The following DLGAP2 variants were observed in gnomAD, a reference collection of about 807,000 sequenced individuals.
DLGAP2 encodes the protein DLG associated protein 2, also known as disks large-associated protein 2.
Under a neutral mutation model 100.3 loss-of-function variants are expected in DLGAP2, and 26 were observed. The observed-to-expected ratio is 0.26, with a 90% CI of 0.19 to 0.36. The LOEUF (loss-of-function observed/expected upper bound fraction) is 0.36. DLGAP2 is among the 10% of genes least tolerant of loss of function. The pLI, the probability that DLGAP2 is intolerant of heterozygous loss-of-function variation, is 1.00. For missense variants in DLGAP2, 1,858 were observed against 1,453.2 expected, an observed-to-expected ratio of 1.28 and a Z score of -4.53; for synonymous variants, 886 against 630.1, an observed-to-expected ratio of 1.41 and a Z score of -6.08.
chr8:763,491 T>C (rs1465144476), intron 1 of DLGAP2, among the ~76,000 whole-genome samples: 1 of 152,252 alleles, frequency 6.6e-6, no homozygotes. Flanking sequence ...AATGGGATTT[T>C]GTTCCATAAT....
chr8:1,231,501 C>T (rs1334420472), intron 2 of DLGAP2, among the ~76,000 whole-genome samples: 1 of 152,088 alleles, frequency 6.6e-6, no homozygotes, highest in African/African-American at 2.4e-5. Flanking sequence ...CAAAAGAAAA[C>T]AAAATTGTGC....
At chr8:798,122 C>G (rs1333125531) in intron 1 of DLGAP2, among the ~76,000 whole-genome samples, 4 of 152,250 alleles carry the variant, frequency 2.6e-5, no homozygotes, top group South Asian at 4.1e-4. Flanking sequence ...AGTTTCTTGT[C>G]TGTCAGCTGA....
intron 2 of DLGAP2, among the ~76,000 whole-genome samples, chr8:1,175,150 G>A (rs1267748622): frequency 6.6e-6 from 1 of 151,964 alleles, no homozygotes; most frequent in East Asian, 1.9e-4. Flanking sequence ...TTTGTTAAAT[G>A]TTAAAATTTA....
intron 2 of DLGAP2, among the ~76,000 whole-genome samples, chr8:1,214,266 C>A (rs375634270): frequency 1.3e-5 from 2 of 152,212 alleles, no homozygotes; most frequent in Admixed American, 6.5e-5. Flanking sequence ...CCAGGTGGAA[C>A]TGGGAGTAGG....
At chr8:880,673 G>A (rs148736633) in intron 1 of DLGAP2, among the ~76,000 whole-genome samples, 2 of 148,196 alleles carry the variant, frequency 1.3e-5, no homozygotes, top group Non-Finnish European at 1.5e-5. Flanking sequence ...TAGGTGGGTC[G>A]GGGTGACCGT....
chr8:1,666,113 C>T (rs1798538061), intron 8 of DLGAP2, among the ~76,000 whole-genome samples: 1 of 152,234 alleles, frequency 6.6e-6, no homozygotes, highest in African/African-American at 2.4e-5. Context: ...CTCCCCGGCA[C>T]TACTGGCCTT....
chr8:907,879 A>G (rs1798412629), intron 1 of DLGAP2, 33 bp from the exon 2 acceptor site: 1 of 398,704 alleles, frequency 2.5e-6, no homozygotes, highest in East Asian at 3.6e-5. Flanking sequence ...GCGAATGATA[A>G]CAAATGTATT....
At chr8:1,178,577 C>T (rs951624794) in intron 2 of DLGAP2, among the ~76,000 whole-genome samples, 1 of 152,028 alleles carries the variant, frequency 6.6e-6, no homozygotes, top group Non-Finnish European at 1.5e-5. Context: ...CAAAGTTAGA[C>T]ATCTCTCTTT....
chr8:1,287,516 T>C (rs1799960499), intron 3 of DLGAP2, among the ~76,000 whole-genome samples: 1 of 75,776 alleles, frequency 1.3e-5, no homozygotes, highest in Non-Finnish European at 2.3e-5. Flanking sequence ...GGAGGGGAAC[T>C]AGTTTTGGTT....
intron 2 of DLGAP2, among the ~76,000 whole-genome samples, chr8:1,067,604 CGTGTGTGTGTGTGTGTGT>C (rs3220190): frequency 6.4e-5 from 9 of 140,304 alleles, no homozygotes; most frequent in African/African-American, 2.2e-4. Flanking sequence ...GGTTGAGTGA[CGTGTGTGTGTGTGTGTGT>C]GTGTGTGTGT....
At chr8:994,077 G>T (rs1390778120) in intron 2 of DLGAP2, among the ~76,000 whole-genome samples, 1 of 152,138 alleles carries the variant, frequency 6.6e-6, no homozygotes, top group Non-Finnish European at 1.5e-5. Context: ...GGTGGTTTTT[G>T]GATGAGACTG....
chr8:782,720 C>A (rs529988054), intron 1 of DLGAP2, among the ~76,000 whole-genome samples: 1 of 152,288 alleles, frequency 6.6e-6, no homozygotes, highest in African/African-American at 2.4e-5. Flanking sequence ...ATCCCTTTTG[C>A]ACTCTTTCTT....
At chr8:1,157,759 C>A (rs1362462510) in intron 2 of DLGAP2, among the ~76,000 whole-genome samples, 2 of 152,186 alleles carry the variant, frequency 1.3e-5, no homozygotes, top group African/African-American at 4.8e-5. Flanking sequence ...ATGCGTGGAG[C>A]TTCGTCATTT....
chr8:1,635,466 T>C (rs1797744593), intron 8 of DLGAP2, among the ~76,000 whole-genome samples: 1 of 152,226 alleles, frequency 6.6e-6, no homozygotes. Context: ...CTACGTTCAA[T>C]AGCTGTCATT....
intron 3 of DLGAP2, among the ~76,000 whole-genome samples, chr8:1,322,214 G>T (rs1800917257): frequency 6.6e-6 from 1 of 152,130 alleles, no homozygotes. Flanking sequence ...AAATATTTCA[G>T]ATGTACATCA....
At chr8:963,068 C>T (rs994800609) in intron 2 of DLGAP2, among the ~76,000 whole-genome samples, 9 of 152,072 alleles carry the variant, frequency 5.9e-5, no homozygotes, top group East Asian at 1.9e-4. Flanking sequence ...GGCTTCGGTG[C>T]GGGCGCCATC....
intron 1 of DLGAP2, among the ~76,000 whole-genome samples, chr8:880,164 C>T (rs991444215): frequency 6.6e-6 from 1 of 151,998 alleles, no homozygotes; most frequent in African/African-American, 2.4e-5. Flanking sequence ...TGTTCTTGGC[C>T]CCGCCCCTTC....
At chr8:1,523,997 G>C (rs1800705864) in intron 4 of DLGAP2, among the ~76,000 whole-genome samples, 1 of 152,186 alleles carries the variant, frequency 6.6e-6, no homozygotes, top group South Asian at 2.1e-4. Flanking sequence ...CGCAAGTCCG[G>C]ATTCGGCATC....
intron 2 of DLGAP2, among the ~76,000 whole-genome samples, chr8:917,402 C>A (rs1022071978): frequency 6.6e-6 from 1 of 152,068 alleles, no homozygotes; most frequent in African/African-American, 2.4e-5. Flanking sequence ...CCACACCCAG[C>A]TAATTTTTGA....
Sources: gnomAD v4.1 joint callset for allele counts (sites outside exome capture counted in the v4.1 genomes callset) on GRCh38, gnomAD v4.1.1 for gene constraint, MANE v1.5 for transcripts, NCBI Gene and HGNC (gene_info 2026-07-23, HGNC 2026-07-21) for gene names.